The following SMARCD3 variants were observed in gnomAD, a reference collection of about 807,000 sequenced individuals.
The protein encoded by SMARCD3 is SWI/SNF-related matrix-associated actin-dependent regulator of chromatin subfamily D member 3.
In SMARCD3, 14 loss-of-function variants were observed where a neutral mutation model predicts 58.0. That is an observed-to-expected ratio of 0.24 (90% CI 0.16 to 0.38). The LOEUF (loss-of-function observed/expected upper bound fraction) is 0.38. SMARCD3 is among the 10% of genes least tolerant of loss of function. The pLI, the probability that SMARCD3 is intolerant of heterozygous loss-of-function variation, is 1.00. For synonymous variants in SMARCD3, 253 were observed against 253.8 expected, an observed-to-expected ratio of 1.00 and a Z score of 0.03; for missense variants, 408 against 636.9, an observed-to-expected ratio of 0.64 and a Z score of 3.87.
rs555216793 is a variant in SMARCD3 at position 151,275,143 on chromosome 7, C to G, written c.10G>C (p.Gly4Arg). ...ACCACGGTGGGTGGGTGCTGAAGACCTGGAGTCATAGATGGCAGGGTCCTG... is the reference window on the plus strand; with the variant it reads ...ACCACGGTGGGTGGGTGCTGAAGACGTGGAGTCATAGATGGCAGGGTCCTG... Residue 4 changes from glycine to arginine, a missense_variant, in exon 2 of 14, where the codon GGT becomes CGT. Gly to Arg is a moderately radical substitution (Grantham distance 125). Coordinates refer to the SMARCD3 transcript ENST00000356800. 6.2e-6 allele frequency: 10 copies of G among 1,612,320 alleles called. No individual in the cohort carries two copies. In the South Asian group the frequency reaches 1.1e-4, roughly 18 times the overall value.
intron 2 of SMARCD3, among the ~76,000 whole-genome samples, chr7:151,273,714 G>A (rs1795248594): frequency 6.6e-6 from 1 of 152,246 alleles, no homozygotes; most frequent in Non-Finnish European, 1.5e-5. Flanking sequence ...GGCTTCAGGT[G>A]TGGGGCTGGG....
At position 151,239,486 on chromosome 7, in the gene SMARCD3, A is replaced by G. The variant is rs1405091217; in HGVS notation, c.1308T>C (p.Asp436=). 2 of 1,613,516 alleles carry G rather than the reference A, an allele frequency of 1.2e-6. No individual in the cohort carries two copies. Among genetic ancestry groups the G allele is most frequent in the Non-Finnish European group, 1.7e-6 (2 of 1,179,818 alleles). Residue 436 remains aspartate, a synonymous_variant, in exon 12 of 13, where the codon GAT becomes GAC. Coordinates refer to ENST00000262188, the MANE Select transcript of SMARCD3 (RefSeq NM_001003801.2). The surrounding 1 kb of genome is among the most constrained non-coding windows in gnomAD (Gnocchi z 7.0). The part of the protein sequence containing the change: ...SQSRDLKVMT[D]VAGNPEEERR... ...GCTCCTCTTCAGGGTTGCCGGCTAC[A>G]TCTGTCATCACCTGGGAGGGAGCGT...
At chr7:151,255,217 C>T (rs955549065) in intron 2 of SMARCD3, among the ~76,000 whole-genome samples, 2 of 152,166 alleles carry the variant, frequency 1.3e-5, no homozygotes, top group African/African-American at 4.8e-5. Flanking sequence ...GACCCTCCTA[C>T]AGTTGCCATC....
In SMARCD3 at chr7:151,242,309, C is replaced by T. The variant is rs1157625888; in HGVS notation, c.580-77G>A. 2.4e-5 allele frequency: 34 copies of T among 1,434,454 alleles called. No individual in the cohort carries two copies. The South Asian group carries it at 3.7e-4, about 15-fold the overall frequency. 88.9% of individuals were successfully genotyped at this position (1,434,454 alleles called of 1,614,324 possible). A position where few individuals can be genotyped will look rare whatever the true frequency, so the allele number is the denominator to read the frequency against. On this transcript the variant is annotated intron_variant, in intron 5 of 12. Coordinates refer to ENST00000262188, the MANE Select transcript of SMARCD3 (RefSeq NM_001003801.2). The surrounding 1 kb of genome is among the most constrained non-coding windows in gnomAD (Gnocchi z 4.7). ...GAGCAGAAGGAGGCCAAGTTGGCAG[C>T]CGACAGGGCAGTGGGCTTAGATGAA...
chr7:151,240,375 C>T (rs754300030), intron 9 of SMARCD3, 50 bp downstream of exon 9: 2 of 1,578,766 alleles, frequency 1.3e-6, no homozygotes, highest in Non-Finnish European at 1.7e-6. Context: ...GCAGGGAAGG[C>T]AGGAACGAGA....
chr7:151,258,438 A>G (rs917150314), intron 2 of SMARCD3, among the ~76,000 whole-genome samples: 2 of 151,724 alleles, frequency 1.3e-5, no homozygotes, highest in South Asian at 2.1e-4. Context: ...GGTGGCATGC[A>G]ACTGTAATCC....
Position 151,242,009 on chromosome 7 carries a change from A to G in SMARCD3, c.676-31T>C. 1 of 1,588,538 alleles carries G rather than the reference A, an allele frequency of 6.3e-7. No homozygotes were observed. The highest frequency in any genetic ancestry group is 1.3e-5 in the African/African-American group (1 of 74,502). Reference sequence around the variant, plus strand: ...CAGGAGAGAAGAGCTGTGTCTCCCAAAGGCCCATCTGGAGTGGTGGGGCCC... The same window carrying G: ...CAGGAGAGAAGAGCTGTGTCTCCCAGAGGCCCATCTGGAGTGGTGGGGCCC... On this transcript the variant is annotated intron_variant, in intron 6 of 12. Transcript: ENST00000262188. The surrounding 1 kb of genome is among the most constrained non-coding windows in gnomAD (Gnocchi z 4.7).
chr7:151,262,784 T>G (rs1021849799), intron 2 of SMARCD3, among the ~76,000 whole-genome samples: 5 of 152,188 alleles, frequency 3.3e-5, no homozygotes, highest in African/African-American at 1.2e-4. Flanking sequence ...AAGCCCCAAC[T>G]GGGTGGGATG....
At chr7:151,250,624 A>G (rs751832255), upstream of SMARCD3, among the ~76,000 whole-genome samples, 2 of 151,558 alleles carry the variant, frequency 1.3e-5, no homozygotes, top group Admixed American at 6.6e-5. Context: ...CCTTCGTCCT[A>G]CTTGTATGCA....
chr7:151,242,025 G>C lies in SMARCD3; in HGVS notation c.676-47C>G, dbSNP rs1262526394. 2 of 1,566,908 alleles carry C rather than the reference G, an allele frequency of 1.3e-6. No individual in the cohort carries two copies. The highest frequency in any genetic ancestry group is 2.7e-5 in the African/African-American group (2 of 73,950). On this transcript the variant is annotated intron_variant, in intron 6 of 12. Transcript: ENST00000262188. The surrounding 1 kb of genome is among the most constrained non-coding windows in gnomAD (Gnocchi z 4.7). The stretch of plus-strand genomic sequence containing the variant: ...TGTCTCCCAAAGGCCCATCTGGAGT[G>C]GTGGGGCCCAGGACTCTAGGGTGGT...
Position 151,239,500 on chromosome 7 carries a change from G to T in SMARCD3, c.1297-3C>A. Reference sequence around the variant, plus strand: ...TTGCCGGCTACATCTGTCATCACCTGGGAGGGAGCGTGGGGTGAGCCCTGA... The same window carrying T: ...TTGCCGGCTACATCTGTCATCACCTTGGAGGGAGCGTGGGGTGAGCCCTGA... On this transcript the variant is annotated splice_region_variant and splice_polypyrimidine_tract_variant and intron_variant, in intron 11 of 12. Transcript: ENST00000262188. This position sits in a 1 kb window ranked among gnomAD's most constrained non-coding sequence, Gnocchi z 7.0. 1 of 1,612,978 alleles carries T rather than the reference G, an allele frequency of 6.2e-7. No homozygotes were observed. The highest frequency in any genetic ancestry group is 8.5e-7 in the Non-Finnish European group (1 of 1,179,272).
chr7:151,262,364 G>A (rs1563686227), intron 2 of SMARCD3, among the ~76,000 whole-genome samples: 1 of 152,158 alleles, frequency 6.6e-6, no homozygotes, highest in Non-Finnish European at 1.5e-5. Flanking sequence ...TTACAGGCGT[G>A]AGCCACCATG....
At position 151,273,952 on chromosome 7, in the gene SMARCD3, G is replaced by A. The variant is rs141532479; in HGVS notation, c.39+1162C>T. On this transcript the variant is annotated intron_variant, in intron 2 of 13. Transcript: ENST00000356800. ...TCAGAGCAGCCTGGCAGGAGGATGA[G>A]TTCCTCTGCCCACTTCTGAGGAAGG... 7.3e-3 allele frequency among the ~76,000 whole-genome samples: 1,111 copies of A among 152,364 alleles called. 15 individuals carry two copies. The highest frequency in any genetic ancestry group is 0.025 in the African/African-American group (1,031 of 41,584).
chr7:151,252,581 A>G (rs1325089608), upstream of SMARCD3, among the ~76,000 whole-genome samples: 2 of 152,090 alleles, frequency 1.3e-5, no homozygotes, highest in African/African-American at 4.8e-5. Flanking sequence ...ACCAGGCCCC[A>G]CTTTCCGCCA....
intron 2 of SMARCD3, among the ~76,000 whole-genome samples, chr7:151,244,558 G>A (rs1803163948): frequency 6.6e-6 from 1 of 152,084 alleles, no homozygotes; most frequent in Non-Finnish European, 1.5e-5. Context: ...TTTCATTAAA[G>A]GTCTGGTTTG....
At chr7:151,244,647 C>A (rs1257016246) in intron 2 of SMARCD3, among the ~76,000 whole-genome samples, 1 of 152,172 alleles carries the variant, frequency 6.6e-6, no homozygotes, top group South Asian at 2.1e-4. Flanking sequence ...TACAAAATGA[C>A]GATGCACTTT....
chr7:151,275,241 A>G, exon 2 of SMARCD3: 1 of 1,107,286 alleles, frequency 9.0e-7, no homozygotes, highest in Non-Finnish European at 1.4e-6. Context: ...ACCAAGGGCC[A>G]TTCTGAGGAT....
chr7:151,269,961 G>T (rs3789820), intron 2 of SMARCD3, among the ~76,000 whole-genome samples: 1 of 151,730 alleles, frequency 6.6e-6, no homozygotes, highest in Non-Finnish European at 1.5e-5. Context: ...CCAAGTGTGG[G>T]CCATGGCCTT....
chr7:151,241,555 C>A lies in SMARCD3; in HGVS notation c.876G>T (p.Lys292Asn). 1 of 1,611,870 alleles carries A rather than the reference C, an allele frequency of 6.2e-7. No individual in the cohort carries two copies. Among genetic ancestry groups the A allele is most frequent in the Non-Finnish European group, 8.5e-7 (1 of 1,179,042 alleles). Residue 292 changes from lysine to asparagine, a missense_variant, in exon 8 of 13, where the codon AAG (lysine) becomes AAT (asparagine). Transcript: ENST00000262188. This position sits in a 1 kb window ranked among gnomAD's most constrained non-coding sequence, Gnocchi z 5.3. ...CATGGGAGTCCTGCAGCCTGTTGGTCTTCACATACTGCCACAGGGCCTGGA... is the reference window on the plus strand; with the variant it reads ...CATGGGAGTCCTGCAGCCTGTTGGTATTCACATACTGCCACAGGGCCTGGA... ...AIVQALWQYVKTNRLQDSHDK... is the reference protein window; with the variant it reads ...AIVQALWQYVNTNRLQDSHDK...
Sources: allele counts gnomAD v4.1 joint callset (sites outside exome capture counted in the v4.1 genomes callset), GRCh38; gene constraint gnomAD v4.1.1; non-coding constraint Gnocchi (gnomAD v3.1); transcripts MANE v1.5; gene names NCBI Gene and HGNC (gene_info 2026-07-23, HGNC 2026-07-21).